The following PTPRT variants were observed in gnomAD, a reference collection of about 807,000 sequenced individuals.
The protein encoded by PTPRT is receptor-type tyrosine-protein phosphatase T.
A neutral mutation model predicts 176.8 loss-of-function variants in PTPRT; 56 were observed. The ratio of observed to expected loss-of-function variants is 0.32; its 90% confidence interval spans 0.26 to 0.40. PTPRT has a LOEUF of 0.40. PTPRT is among the 10% of genes least tolerant of loss of function. The pLI, the probability that PTPRT is intolerant of heterozygous loss-of-function variation, is 1.00. For missense variants in PTPRT, 1,540 were observed against 1,908.2 expected, an observed-to-expected ratio of 0.81 and a Z score of 3.60; for synonymous variants, 783 against 739.0, an observed-to-expected ratio of 1.06 and a Z score of -0.96.
chr20:42,167,034 C>T (rs1445662320), intron 16 of PTPRT, among the ~76,000 whole-genome samples: 1 of 152,118 alleles, frequency 6.6e-6, no homozygotes, highest in Non-Finnish European at 1.5e-5. Context: ...TTGGATCATT[C>T]CTTGGCCAAG....
chr20:42,314,191 G>GTT (rs983738749), intron 12 of PTPRT, among the ~76,000 whole-genome samples: 1 of 152,108 alleles, frequency 6.6e-6, no homozygotes, highest in Non-Finnish European at 1.5e-5. Context: ...AACTTAATAT[G>GTT]AACTGTAGGG....
intron 1 of PTPRT, among the ~76,000 whole-genome samples, chr20:43,175,279 T>G (rs11908228): frequency 2.2e-3 from 335 of 152,358 alleles, no homozygotes; most frequent in African/African-American, 7.6e-3. Context: ...CCTGTGTCTG[T>G]GATAAAGTTC....
chr20:42,377,749 A>T (rs57957740), intron 9 of PTPRT, among the ~76,000 whole-genome samples: 12,665 of 152,272 alleles, frequency 0.083, 548 homozygotes, highest in Middle Eastern at 0.14. Context: ...GCTGAGCCTC[A>T]GTTCGCCACC....
chr20:42,789,681 C>T (rs2077344892), intron 3 of PTPRT, among the ~76,000 whole-genome samples: 1 of 152,078 alleles, frequency 6.6e-6, no homozygotes, highest in South Asian at 2.1e-4. Context: ...TCAGGAAATG[C>T]ATCATGAAGA....
chr20:43,032,194 T>C (rs1206402501), intron 1 of PTPRT, among the ~76,000 whole-genome samples: 1 of 152,152 alleles, frequency 6.6e-6, no homozygotes, highest in Non-Finnish European at 1.5e-5. Context: ...TTTTGTTCTT[T>C]CTTCCTGGAC....
At chr20:42,502,341 T>C (rs1372831913) in intron 7 of PTPRT, among the ~76,000 whole-genome samples, 7 of 151,480 alleles carry the variant, frequency 4.6e-5, no homozygotes, top group Non-Finnish European at 8.8e-5. Flanking sequence ...CTCCCTACAG[T>C]ATCCACTTCC....
At chr20:42,581,294 A>G (rs909191006) in intron 7 of PTPRT, among the ~76,000 whole-genome samples, 4 of 152,172 alleles carry the variant, frequency 2.6e-5, no homozygotes, top group Non-Finnish European at 5.9e-5. Context: ...AGAATTTCCA[A>G]TCTGCATTCT....
At chr20:42,990,426 T>G (rs1325685372) in intron 1 of PTPRT, among the ~76,000 whole-genome samples, 1 of 152,188 alleles carries the variant, frequency 6.6e-6, no homozygotes, top group Non-Finnish European at 1.5e-5. Context: ...GATTTAGGGT[T>G]GTTTTGTTTC....
intron 1 of PTPRT, among the ~76,000 whole-genome samples, chr20:42,948,394 C>T (rs1907179582): frequency 6.6e-6 from 1 of 152,180 alleles, no homozygotes; most frequent in African/African-American, 2.4e-5. Context: ...GGTATGGGCA[C>T]ATATCTCAGA....
chr20:42,478,849 TCTC>T (rs1233184595), intron 7 of PTPRT, among the ~76,000 whole-genome samples: 2 of 152,140 alleles, frequency 1.3e-5, no homozygotes, highest in Non-Finnish European at 2.9e-5. Context: ...AGCCCCTAGA[TCTC>T]CTCATTTTAT....
chr20:42,141,717 C>T (rs1988640643), intron 18 of PTPRT, among the ~76,000 whole-genome samples, 198 bp downstream of exon 18: 1 of 152,204 alleles, frequency 6.6e-6, no homozygotes, highest in African/African-American at 2.4e-5. Context: ...CTCCCTCTGG[C>T]TGAGATCAGC....
chr20:42,488,006 G>A (rs1366774314), intron 7 of PTPRT, among the ~76,000 whole-genome samples: 3 of 152,166 alleles, frequency 2.0e-5, no homozygotes, highest in African/African-American at 7.2e-5. Context: ...ATTGGAATGT[G>A]TTCTAGCTCG....
At chr20:42,618,396 G>A in intron 7 of PTPRT, among the ~76,000 whole-genome samples, 1 of 135,966 alleles carries the variant, frequency 7.4e-6, no homozygotes, top group African/African-American at 3.3e-5. Flanking sequence ...GTGTTGTGGT[G>A]CTGAAAAAAA....
intron 1 of PTPRT, among the ~76,000 whole-genome samples, chr20:42,954,558 T>C (rs1981496052): frequency 6.6e-6 from 1 of 152,146 alleles, no homozygotes; most frequent in African/African-American, 2.4e-5. Context: ...GTTATCCACA[T>C]CTTCAGCAGT....
chr20:42,291,929 G>A (rs2057322576), intron 12 of PTPRT, among the ~76,000 whole-genome samples: 1 of 152,134 alleles, frequency 6.6e-6, no homozygotes, highest in African/African-American at 2.4e-5. Context: ...GGTAGAGGCT[G>A]TTACATAGAG....
rs1475284601 is a variant in PTPRT, at chr20:42,617,417, C to G, written c.1153+60449G>C. 2.3e-5 allele frequency among the ~76,000 whole-genome samples: 3 copies of G among 133,090 alleles called. 1 individual carries two copies. The highest frequency in any genetic ancestry group is 3.4e-5 in the African/African-American group (1 of 28,994). 87.3% of individuals were successfully genotyped at this position (133,090 alleles called of 152,430 possible). A position where few individuals can be genotyped will look rare whatever the true frequency, so the allele number is the denominator to read the frequency against. ...AAAATTCTCTTTTTTGGTTGTGTCT[C>G]TGCCCGGCTTTGGTATCAGAATGAT... is the stretch of plus-strand genomic sequence containing the variant. On this transcript the variant is annotated intron_variant, in intron 7 of 30. Transcript: ENST00000373187.
chr20:42,654,787 T>C (rs1424700887), intron 7 of PTPRT, among the ~76,000 whole-genome samples: 4 of 152,200 alleles, frequency 2.6e-5, no homozygotes, highest in African/African-American at 9.6e-5. Flanking sequence ...TTCACACAGC[T>C]GGTAAGTAGT....
chr20:42,658,625 G>A (rs1052312569), intron 7 of PTPRT, among the ~76,000 whole-genome samples: 13 of 152,178 alleles, frequency 8.5e-5, no homozygotes, highest in Admixed American at 2.6e-4. Flanking sequence ...ATGACTGGGA[G>A]AGAACCAAGA....
intron 1 of PTPRT, among the ~76,000 whole-genome samples, chr20:42,891,922 T>C (rs2079200424): frequency 6.6e-6 from 1 of 152,232 alleles, no homozygotes; most frequent in Admixed American, 6.5e-5. Flanking sequence ...TTCAGCTCTG[T>C]AGTCACACAG....
Sources: gnomAD v4.1 joint callset for allele counts (sites outside exome capture counted in the v4.1 genomes callset) on GRCh38, gnomAD v4.1.1 for gene constraint, MANE v1.5 for transcripts, NCBI Gene and HGNC (gene_info 2026-07-23, HGNC 2026-07-21) for gene names.